MAP2K6: variants seen among roughly 807,000 people sequenced by gnomAD.
The protein encoded by MAP2K6 is mitogen-activated protein kinase kinase 6.
A neutral mutation model predicts 53.7 loss-of-function variants in MAP2K6; 16 were observed. The ratio of observed to expected loss-of-function variants is 0.30; its 90% CI spans 0.20 to 0.45. The LOEUF is 0.45. MAP2K6 is among the 20% of genes least tolerant of loss of function. The pLI, the probability that MAP2K6 is intolerant of heterozygous loss-of-function variation, is 1.00. For synonymous variants in MAP2K6, 132 were observed against 143.1 expected, an observed-to-expected ratio of 0.92 and a Z score of 0.55; for missense variants, 204 against 411.9, an observed-to-expected ratio of 0.50 and a Z score of 4.37.
rs1054273159 is a variant in MAP2K6 at position 69,543,677 on chromosome 17, A to G, written c.*1924A>G. The stretch of plus-strand genomic sequence containing the variant: ...ACCTATGAAAACAGGAAGCAATAGG[A>G]AAAAAAATCCGGTTACTCCATTTTA... On this transcript the variant is annotated 3_prime_UTR_variant, in exon 12 of 12. Coordinates refer to ENST00000590474, the MANE Select transcript of MAP2K6 (RefSeq NM_002758.4). 4.6e-5 allele frequency: 7 copies of G among 152,076 alleles called. No homozygotes were observed. Among genetic ancestry groups the G allele is most frequent in the Admixed American group, 1.3e-4 (2 of 15,262 alleles). 9.4% of individuals were successfully genotyped at this position (152,076 alleles called of 1,614,324 possible).
intron 1 of MAP2K6, 87 bp downstream of exon 1, chr17:69,415,087 T>G: frequency 1.5e-6 from 2 of 1,331,108 alleles, no homozygotes; most frequent in South Asian, 2.4e-5. Context: ...GCCTGGCGAG[T>G]GCATTTTTAA....
rs541232445 is a variant in MAP2K6 at position 69,440,534 on chromosome 17, A to G, written c.16+25534A>G. ...TACTTACTTTCTCTTTAATACTAAC[A>G]TTGCTTTCACAGCTCACCTGTGACT... On this transcript the variant is annotated intron_variant, in intron 1 of 11. Coordinates refer to ENST00000590474, the MANE Select transcript of MAP2K6 (RefSeq NM_002758.4). Among the ~76,000 whole-genome samples, 19 of 152,108 alleles carry G rather than the reference A, an allele frequency of 1.2e-4. No homozygotes were observed. The South Asian group carries it at 2.7e-3, about 22-fold the overall frequency.
chr17:69,446,734 T>A (rs1162387809), intron 1 of MAP2K6, among the ~76,000 whole-genome samples: 3 of 152,126 alleles, frequency 2.0e-5, no homozygotes, highest in Non-Finnish European at 4.4e-5. Context: ...TGGGTATCAT[T>A]TGAGTACCCC....
chr17:69,442,969 T>G (rs868517399), intron 1 of MAP2K6, among the ~76,000 whole-genome samples: 2 of 152,200 alleles, frequency 1.3e-5, no homozygotes, highest in African/African-American at 4.8e-5. Flanking sequence ...TATAAAACAG[T>G]ATTTTCCATC....
At chr17:69,533,631 TG>T (rs1349647298) in intron 10 of MAP2K6, among the ~76,000 whole-genome samples, 1 of 152,198 alleles carries the variant, frequency 6.6e-6, no homozygotes, top group Non-Finnish European at 1.5e-5. Flanking sequence ...TTGCACTTTT[TG>T]TTATTTACTT....
intron 1 of MAP2K6, among the ~76,000 whole-genome samples, chr17:69,442,380 A>G (rs895522990): frequency 7.2e-5 from 11 of 152,070 alleles, no homozygotes; most frequent in Non-Finnish European, 1.0e-4. Flanking sequence ...TTGGATCCTT[A>G]ATCCTGATGG....
chr17:69,524,037 G>A (rs1567854346), intron 8 of MAP2K6, among the ~76,000 whole-genome samples: 1 of 152,042 alleles, frequency 6.6e-6, no homozygotes, highest in Admixed American at 6.6e-5. Flanking sequence ...GATCTCTCTA[G>A]GGCTTTTTTA....
intron 1 of MAP2K6, among the ~76,000 whole-genome samples, chr17:69,481,473 C>G (rs1187824579): frequency 6.6e-6 from 1 of 152,138 alleles, no homozygotes; most frequent in East Asian, 1.9e-4. Context: ...CATGGGTGTA[C>G]AGATATCTCC....
chr17:69,426,880 T>C (rs552924474), intron 1 of MAP2K6, among the ~76,000 whole-genome samples: 1 of 152,306 alleles, frequency 6.6e-6, no homozygotes, highest in East Asian at 1.9e-4. Flanking sequence ...AGAACTTCCT[T>C]TTTCTTACCA....
At chr17:69,474,565 G>A (rs1214778164) in intron 1 of MAP2K6, among the ~76,000 whole-genome samples, 1 of 152,200 alleles carries the variant, frequency 6.6e-6, no homozygotes. Flanking sequence ...CTTACCCTGC[G>A]TAATGGCTGC....
At chr17:69,486,534 A>G (rs1908543737) in intron 1 of MAP2K6, among the ~76,000 whole-genome samples, 1 of 152,184 alleles carries the variant, frequency 6.6e-6, no homozygotes. Flanking sequence ...CAGGTTGAGA[A>G]TATCATTGGG....
At chr17:69,491,107 T>TTTTCCTTCCTTC (rs1340612024) in intron 1 of MAP2K6, among the ~76,000 whole-genome samples, 212 of 149,108 alleles carry the variant, frequency 1.4e-3, no homozygotes, top group East Asian at 6.4e-3. Context: ...ACATTGTCTT[T>TTTTCCTTCCTTC]TTTCCTTCCT....
chr17:69,440,262 G>T (rs1401967613), intron 1 of MAP2K6, among the ~76,000 whole-genome samples: 10 of 152,046 alleles, frequency 6.6e-5, no homozygotes, highest in Non-Finnish European at 1.3e-4. Flanking sequence ...TAGCCAGGCT[G>T]GTCTGGAACT....
chr17:69,434,673 T>C (rs1906580362), intron 1 of MAP2K6: 2 of 152,222 alleles, frequency 1.3e-5, no homozygotes, highest in Non-Finnish European at 2.9e-5. Flanking sequence ...GCAGTTCACA[T>C]TATTTTTTAT....
chr17:69,416,893 A>G (rs982580009), intron 1 of MAP2K6, among the ~76,000 whole-genome samples: 2 of 152,160 alleles, frequency 1.3e-5, no homozygotes, highest in Non-Finnish European at 2.9e-5. Context: ...CTTTTTGCAT[A>G]TTTTTGGGCT....
chr17:69,524,259 G>A lies in MAP2K6; in HGVS notation c.663+618G>A, dbSNP rs139877775. ...AATATATACACAATACATATAGCCTGCACAGTTTTCCACACTGTATTGCAG... is the reference window on the plus strand; with the variant it reads ...AATATATACACAATACATATAGCCTACACAGTTTTCCACACTGTATTGCAG... On this transcript the variant is annotated intron_variant, in intron 8 of 11. Coordinates refer to ENST00000590474, the MANE Select transcript of MAP2K6 (RefSeq NM_002758.4). Among the ~76,000 whole-genome samples, 1,152 of 152,030 alleles carry A rather than the reference G, an allele frequency of 7.6e-3. 15 individuals carry two copies. The highest frequency in any genetic ancestry group is 0.027 in the African/African-American group (1,104 of 41,456).
At chr17:69,449,555 T>G (rs1247020879) in intron 1 of MAP2K6, among the ~76,000 whole-genome samples, 2 of 102,044 alleles carry the variant, frequency 2.0e-5, no homozygotes, top group African/African-American at 1.1e-4. Flanking sequence ...CTTTCTTTCT[T>G]TCTTTATTTC....
chr17:69,475,421 G>T (rs963932103), intron 1 of MAP2K6, among the ~76,000 whole-genome samples: 2 of 152,086 alleles, frequency 1.3e-5, no homozygotes, highest in Admixed American at 6.5e-5. Context: ...GCCCGTCTCG[G>T]CCTCCCAAAG....
At chr17:69,480,605 C>G (rs1908317299) in intron 1 of MAP2K6, among the ~76,000 whole-genome samples, 1 of 152,042 alleles carries the variant, frequency 6.6e-6, no homozygotes, top group Non-Finnish European at 1.5e-5. Context: ...TTTTTGGATC[C>G]TGAAACAAGA....
Sources: gnomAD v4.1 joint callset for allele counts (sites outside exome capture counted in the v4.1 genomes callset) on GRCh38, gnomAD v4.1.1 for gene constraint, MANE v1.5 for transcripts, NCBI Gene and HGNC (gene_info 2026-07-23, HGNC 2026-07-21) for gene names.